XKRX: variants seen among roughly 807,000 people sequenced by gnomAD.
XKRX encodes the protein XK related X-linked.
Under a neutral mutation model 22.4 loss-of-function variants are expected in XKRX, and 11 were observed. The observed-to-expected ratio is 0.49, with a 90% confidence interval of 0.31 to 0.81. XKRX has a LOEUF of 0.81. XKRX is among the 40% of genes least tolerant of loss of function. The probability of loss-of-function intolerance (pLI) is 0.05; values close to 1 mark genes in which losing one functional copy is unlikely to be tolerated. For synonymous variants in XKRX, 114 were observed against 132.2 expected (o/e 0.86, Z 0.94); for missense variants, 320 against 336.5 (o/e 0.95, Z 0.38).
the XKRX span, among the ~76,000 whole-genome samples, chrX:100,935,860 G>C: frequency 8.9e-6 from 1 of 112,019 alleles, no homozygotes; most frequent in Non-Finnish European, 1.9e-5. Context: ...GGCAGTTAGA[G>C]TGGTGGTGGT....
chrX:100,936,767 G>A, the XKRX span, among the ~76,000 whole-genome samples: 1 of 108,698 alleles, frequency 9.2e-6, no homozygotes, highest in East Asian at 2.9e-4. Context: ...GAAAGAGTGA[G>A]TGCAGGAACG....
the XKRX span, among the ~76,000 whole-genome samples, chrX:100,908,204 C>G: frequency 9.3e-6 from 1 of 107,020 alleles, no homozygotes; most frequent in Non-Finnish European, 1.9e-5. Flanking sequence ...CTCACTGCAA[C>G]CTCCTGGGCT....
the XKRX span, among the ~76,000 whole-genome samples, chrX:100,949,301 C>T: frequency 7.2e-5 from 8 of 110,562 alleles, no homozygotes; most frequent in Non-Finnish European, 1.3e-4. Context: ...CAGACCTGCA[C>T]ACCACATTTA....
chrX:100,922,126 C>T (rs1439669708), intron 2 of XKRX, among the ~76,000 whole-genome samples: 1 of 110,986 alleles, frequency 9.0e-6, no homozygotes. Flanking sequence ...AACCACCGTG[C>T]CCAGCCCACG....
chrX:100,907,197 T>C, the XKRX span, among the ~76,000 whole-genome samples: 1 of 107,821 alleles, frequency 9.3e-6, no homozygotes, highest in East Asian at 2.9e-4. Flanking sequence ...ACTTAAAAAA[T>C]TTTTTTTTTA....
rs1281698614 is a variant in XKRX, at chrX:100,928,067, T to C, written c.238A>G (p.Met80Val). 3 of 1,211,531 alleles carry C rather than the reference T, an allele frequency of 2.5e-6. No homozygotes were observed. The highest frequency in any genetic ancestry group is 2.2e-5 in the Admixed American group (1 of 46,024). ...ACAAAAATGAGGGTCAACTGGACCA[T>C]AATGGATGAAAACATAAAGAAAGAA... ...TFSFFMFSSI[M>V]VQLTLIFVHR... is the part of the protein sequence containing the mutation. The change falls in exon 1 of 3, where the codon ATG becomes GTG. Residue 80 changes from methionine to valine, a missense_variant. Met to Val is a conservative substitution (Grantham distance 21). Coordinates refer to ENST00000372956, the MANE Select transcript of XKRX (RefSeq NM_212559.3).
the XKRX span, among the ~76,000 whole-genome samples, chrX:100,898,631 C>G: frequency 3.7e-5 from 4 of 108,650 alleles, no homozygotes; most frequent in African/African-American, 1.3e-4. Flanking sequence ...ATGCACATGC[C>G]CAGGGTTGAA....
chrX:100,932,097 A>C (rs73563424), upstream of XKRX, among the ~76,000 whole-genome samples: 16,921 of 110,549 alleles, frequency 0.15, 2,943 homozygotes, highest in African/African-American at 0.51. Context: ...TCATCTGATC[A>C]CCCTCACCCA....
At chrX:100,953,104 G>A in the XKRX span, among the ~76,000 whole-genome samples, 2 of 111,467 alleles carry the variant, frequency 1.8e-5, no homozygotes, top group Non-Finnish European at 3.8e-5. Flanking sequence ...GGGCAACATC[G>A]TGAGATCCTG....
chrX:100,945,095 TA>T, the XKRX span, among the ~76,000 whole-genome samples: 1 of 109,880 alleles, frequency 9.1e-6, no homozygotes, highest in South Asian at 4.0e-4. Flanking sequence ...TTTTTTTTTT[TA>T]AGACAAGTTC....
chrX:100,945,806 C>CAAAA, the XKRX span, among the ~76,000 whole-genome samples: 79 of 31,838 alleles, frequency 2.5e-3, no homozygotes, highest in African/African-American at 8.0e-3. Context: ...ATTCTGTCTC[C>CAAAA]AAAAAAAAAA....
At chrX:100,923,707 C>A (rs780913954) in intron 1 of XKRX, among the ~76,000 whole-genome samples, 1 of 111,662 alleles carries the variant, frequency 9.0e-6, no homozygotes, top group Non-Finnish European at 1.9e-5. Flanking sequence ...TACTGTTTTC[C>A]TAGCAAAATA....
Position 100,924,318 on chromosome X carries a change from G to A in XKRX, c.336-1257C>T, listed in dbSNP as rs931839656. On this transcript the variant is annotated intron_variant, in intron 1 of 2. Transcript: ENST00000372956. ...GAATGAACTACATAACTAGGCCCTCGAAAGATCACTGTAATAGTTACTTTT... is the reference window on the plus strand; with the variant it reads ...GAATGAACTACATAACTAGGCCCTCAAAAGATCACTGTAATAGTTACTTTT... Among the ~76,000 whole-genome samples, 10 of 111,600 alleles carry A rather than the reference G, an allele frequency of 9.0e-5. No individual in the cohort carries two copies. The South Asian group carries it at 1.9e-3, about 21-fold the overall frequency.
chrX:100,910,602 A>AAT, downstream of XKRX: 1 of 223,010 alleles, frequency 4.5e-6, no homozygotes, highest in Non-Finnish European at 7.9e-6. Flanking sequence ...AAAAAAAAAA[A>AAT]GATTTCAGAG....
chrX:100,915,381 CTAT>C (rs1391487760), intron 2 of XKRX, among the ~76,000 whole-genome samples: 2 of 108,899 alleles, frequency 1.8e-5, no homozygotes, highest in Non-Finnish European at 3.8e-5. Context: ...GTTAGAATGG[CTAT>C]TATTAAAAAA....
chrX:100,937,108 A>C, the XKRX span, among the ~76,000 whole-genome samples: 1 of 108,204 alleles, frequency 9.2e-6, no homozygotes, highest in Non-Finnish European at 1.9e-5. Flanking sequence ...TCTCTGCCTC[A>C]GCCTCCTGAG....
At position 100,914,697 on chromosome X, in the gene XKRX, G is replaced by A; in HGVS notation, c.991C>T (p.Gln331Ter). Residue 331 changes from glutamine (Q) to a stop codon, truncating the protein, a stop_gained, in exon 3 of 3, where the codon CAG (glutamine) becomes TAG (stop). Transcript: ENST00000372956. LOFTEE classifies it high-confidence loss of function. ...GINFSCWSAL[Q>*]LRLADRDLVD... Reference sequence around the variant, plus strand: ...AGATCTCTGTCTGCCAACCTCAACTGCAAAGCTGACCAGCAAGAGAAGTTG... The same window carrying A: ...AGATCTCTGTCTGCCAACCTCAACTACAAAGCTGACCAGCAAGAGAAGTTG... The A allele has an allele frequency of 3.3e-6, 4 of 1,211,750 alleles. No individual in the cohort carries two copies. Among genetic ancestry groups the A allele is most frequent in the Non-Finnish European group, 4.5e-6 (4 of 895,542 alleles).
At chrX:100,893,979 A>G in the XKRX span, among the ~76,000 whole-genome samples, 1 of 112,658 alleles carries the variant, frequency 8.9e-6, no homozygotes, top group African/African-American at 3.2e-5. Context: ...AAAATTTTTT[A>G]AAAAGTAGGC....
At chrX:100,935,667 C>G in the XKRX span, among the ~76,000 whole-genome samples, 1 of 112,149 alleles carries the variant, frequency 8.9e-6, no homozygotes, top group Non-Finnish European at 1.9e-5. Flanking sequence ...AAGACTCTTC[C>G]TTCCGAAACT....
Sources: gnomAD v4.1 joint callset for allele counts (sites outside exome capture counted in the v4.1 genomes callset) on GRCh38, gnomAD v4.1.1 for gene constraint, MANE v1.5 for transcripts, NCBI Gene and HGNC (gene_info 2026-07-23, HGNC 2026-07-21) for gene names.